The following ZNF705G variants were observed in gnomAD, a reference collection of about 807,000 sequenced individuals.
ZNF705G encodes the protein zinc finger protein 705G.
Under a neutral mutation model 19.6 loss-of-function variants are expected in ZNF705G, and 23 were observed. The observed-to-expected ratio is 1.17, with a 90% CI of 0.84 to 1.66. ZNF705G has a LOEUF of 1.66. ZNF705G is among the 40% of genes most tolerant of loss of function. ZNF705G has a pLI of 0.00. For missense variants in ZNF705G, 457 were observed against 354.4 expected, an observed-to-expected ratio of 1.29 and a Z score of -2.32; for synonymous variants, 146 against 117.7, an observed-to-expected ratio of 1.24 and a Z score of -1.56.
rs566063340 is a variant in ZNF705G, at chr8:7,379,826, G to A, written c.-72+1626C>T. On this transcript the variant is annotated intron_variant, in intron 2 of 6. Transcript: ENST00000400156. ...CCAGAGAAGGAGTTGGCACTGGATCGTCTGCACCTGCCCCCAGACACAGGC... is the reference window on the plus strand; with the variant it reads ...CCAGAGAAGGAGTTGGCACTGGATCATCTGCACCTGCCCCCAGACACAGGC... Among the ~76,000 whole-genome samples, 35 of 147,162 alleles carry A rather than the reference G, an allele frequency of 2.4e-4. 1 individual carries two copies. Among genetic ancestry groups the A allele is most frequent in the East Asian group, 7.7e-4 (4 of 5,172 alleles).
chr8:7,367,786 T>A (rs9720274), intron 2 of ZNF705G, among the ~76,000 whole-genome samples: 9,692 of 149,040 alleles, frequency 0.065, 1,013 homozygotes, highest in African/African-American at 0.15. Flanking sequence ...TTCCACTGTA[T>A]GCCCTTCGGT....
chr8:7,365,712 C>A (rs1806825972), intron 2 of ZNF705G, among the ~76,000 whole-genome samples: 2 of 149,456 alleles, frequency 1.3e-5, no homozygotes, highest in South Asian at 4.2e-4. Flanking sequence ...ATTCTGCATC[C>A]TCAATATTAC....
At chr8:7,384,688 G>C (rs1466549352) in intron 1 of ZNF705G, among the ~76,000 whole-genome samples, 1 of 144,418 alleles carries the variant, frequency 6.9e-6, no homozygotes, top group African/African-American at 2.9e-5. Flanking sequence ...GGCCATTTTG[G>C]GTGTGGGAGA....
In ZNF705G at chr8:7,356,025, T is replaced by G. The variant is rs981130219; in HGVS notation, c.*1951A>C. ...CGATCGTATTAAGATTGTGCCTGTT[T>G]GGCAAAATTTCAAGTCATCCCACTT... On this transcript the variant is annotated 3_prime_UTR_variant, in exon 7 of 7. Coordinates refer to ENST00000400156, the MANE Select transcript of ZNF705G (RefSeq NM_001164457.3). 1.3e-5 allele frequency: 2 copies of G among 149,552 alleles called. 1 individual carries two copies. Among genetic ancestry groups the G allele is most frequent in the Non-Finnish European group, 2.9e-5 (2 of 68,028 alleles). The allele number at this position is 149,552 out of a possible 1,614,324, so 9.3% of individuals were successfully genotyped here.
intron 1 of ZNF705G, among the ~76,000 whole-genome samples, chr8:7,384,210 G>A (rs1807631196): frequency 7.2e-6 from 1 of 138,842 alleles, no homozygotes; most frequent in South Asian, 2.2e-4. Flanking sequence ...GTGATCTTGT[G>A]CAAATAATTC....
rs758048864 is a variant in ZNF705G, at chr8:7,358,442, C to G, written c.437G>C (p.Ser146Thr). The G allele has an allele frequency of 6.2e-6, 10 of 1,607,710 alleles. 1 individual carries two copies. In the South Asian group the frequency reaches 9.9e-5, roughly 16 times the overall value. ...ACGAAGGGATTTTCCACACTGTTTGCTGACATAGGGTTTCTTTCCACTATG... is the reference window on the plus strand; with the variant it reads ...ACGAAGGGATTTTCCACACTGTTTGGTGACATAGGGTTTCTTTCCACTATG... ...LTHSGKKPYV[S>T]KQCGKSLRNL... The change falls in exon 7 of 7, where the codon AGC becomes ACC. Residue 146 changes from serine (S) to threonine (T), a missense_variant. By Grantham distance (58) the Ser-to-Thr change is moderately conservative. Coordinates refer to ENST00000400156, the MANE Select transcript of ZNF705G (RefSeq NM_001164457.3).
At position 7,357,929 on chromosome 8, in the gene ZNF705G, C is replaced by A. The variant is rs764044350; in HGVS notation, c.*47G>T. 1.9e-6 allele frequency: 3 copies of A among 1,605,210 alleles called. No homozygotes were observed. The highest frequency in any genetic ancestry group is 2.2e-5 in the South Asian group (2 of 89,886). On this transcript the variant is annotated 3_prime_UTR_variant, in exon 7 of 7. Coordinates refer to ENST00000400156, the MANE Select transcript of ZNF705G (RefSeq NM_001164457.3). ...AGTACATTGTCTGAAGGCTTTCCCA[C>A]ATAAATGGCATTCATATGGCTTTTC...
intron 3 of ZNF705G, among the ~76,000 whole-genome samples, chr8:7,362,397 T>C (rs1360469087): frequency 3.3e-5 from 5 of 149,596 alleles, no homozygotes; most frequent in Non-Finnish European, 5.9e-5. Context: ...CCCTCAACAC[T>C]GCACAGCTCT....
rs1807231687 is a variant in ZNF705G at position 7,376,085 on chromosome 8, G to A, written c.-72+5367C>T. On this transcript the variant is annotated intron_variant, in intron 2 of 6. Coordinates refer to ENST00000400156, the MANE Select transcript of ZNF705G (RefSeq NM_001164457.3). Reference sequence around the variant, plus strand: ...CTACTTACAGATAAAAGGAAGAGATGGAAAGCTCAGGGATCAAAAAACTCA... The same window carrying A: ...CTACTTACAGATAAAAGGAAGAGATAGAAAGCTCAGGGATCAAAAAACTCA... Among the ~76,000 whole-genome samples the A allele has an allele frequency of 2.2e-5, 2 of 91,210 alleles. 1 individual carries two copies. Among genetic ancestry groups the A allele is most frequent in the Non-Finnish European group, 4.2e-5 (2 of 47,076 alleles). The allele number at this position is 91,210 out of a possible 152,430, so 59.8% of individuals were successfully genotyped here.
Position 7,375,648 on chromosome 8 carries a change from G to C in ZNF705G, c.-72+5804C>G, listed in dbSNP as rs565803823. 2.4e-4 allele frequency among the ~76,000 whole-genome samples: 23 copies of C among 94,442 alleles called. 6 individuals carry two copies. The highest frequency in any genetic ancestry group is 4.6e-4 in the Non-Finnish European group (22 of 48,086). 62.0% of individuals were successfully genotyped at this position (94,442 alleles called of 152,430 possible). On this transcript the variant is annotated intron_variant, in intron 2 of 6. Transcript: ENST00000400156. The stretch of plus-strand genomic sequence containing the variant: ...TCAGGTATAGTAAAATAGTACACAT[G>C]ATTCAAAGACCTCTGAACCGAGAGT...
intron 1 of ZNF705G, among the ~76,000 whole-genome samples, chr8:7,384,661 G>T (rs1326480194): frequency 6.9e-6 from 1 of 145,000 alleles, no homozygotes; most frequent in Non-Finnish European, 1.5e-5. Flanking sequence ...GGAATTAGAG[G>T]CTGGTAGGGA....
At chr8:7,384,896 T>C (rs1349316819) in intron 1 of ZNF705G, among the ~76,000 whole-genome samples, 1 of 146,416 alleles carries the variant, frequency 6.8e-6, no homozygotes, top group African/African-American at 2.8e-5. Flanking sequence ...ATAACTTTTA[T>C]ATGAGATAGA....
intron 2 of ZNF705G, among the ~76,000 whole-genome samples, chr8:7,367,663 C>A (rs1806919125): frequency 6.7e-6 from 1 of 149,636 alleles, no homozygotes; most frequent in Non-Finnish European, 1.5e-5. Flanking sequence ...CTTTCTTGGA[C>A]CTTCAGGCAT....
intron 2 of ZNF705G, among the ~76,000 whole-genome samples, chr8:7,370,376 G>T (rs1457208204): frequency 2.0e-5 from 3 of 149,404 alleles, no homozygotes; most frequent in Non-Finnish European, 4.4e-5. Flanking sequence ...TAATCATCAG[G>T]GGGATGTAAA....
At chr8:7,359,321 G>A (rs567192529) in intron 6 of ZNF705G, among the ~76,000 whole-genome samples, 1 of 149,770 alleles carries the variant, frequency 6.7e-6, no homozygotes, top group South Asian at 2.1e-4. Flanking sequence ...ACACAGATAT[G>A]TTCTCTTCTG....
At chr8:7,364,568 G>T (rs773667060) in intron 2 of ZNF705G, among the ~76,000 whole-genome samples, 2 of 149,506 alleles carry the variant, frequency 1.3e-5, no homozygotes, top group African/African-American at 2.6e-5. Flanking sequence ...TCTGCGTGTC[G>T]CTGCCTCTTC....
At chr8:7,366,720 C>A (rs763216849) in intron 2 of ZNF705G, among the ~76,000 whole-genome samples, 3 of 149,634 alleles carry the variant, frequency 2.0e-5, no homozygotes, top group South Asian at 2.1e-4. Flanking sequence ...GAAATTTAAA[C>A]ATTGCTTGAG....
chr8:7,357,924 T>A lies in ZNF705G; in HGVS notation c.*52A>T. The A allele has an allele frequency of 5.6e-6, 9 of 1,600,302 alleles. No homozygotes were observed. In the South Asian group the frequency reaches 8.9e-5, roughly 16 times the overall value. On this transcript the variant is annotated 3_prime_UTR_variant, in exon 7 of 7. Transcript: ENST00000400156. ...AGATTAGTACATTGTCTGAAGGCTTTCCCACATAAATGGCATTCATATGGC... is the reference window on the plus strand; with the variant it reads ...AGATTAGTACATTGTCTGAAGGCTTACCCACATAAATGGCATTCATATGGC...
In ZNF705G at chr8:7,382,192, GAAC is replaced by G. The variant is rs1433344301; in HGVS notation, c.-221-594_-221-592del. ...TCACTGCAAAATTTAAAAAGAAGAAGAACAACAACAACGACAACAATTCATCTA... is the reference window on the plus strand; with the variant it reads ...TCACTGCAAAATTTAAAAAGAAGAAGAACAACAACGACAACAATTCATCTA... On this transcript the variant is annotated intron_variant, in intron 1 of 6. Coordinates refer to ENST00000400156, the MANE Select transcript of ZNF705G (RefSeq NM_001164457.3). 7.1e-3 allele frequency among the ~76,000 whole-genome samples: 1,067 copies of G among 150,434 alleles called. 5 individuals are homozygous for G. Among genetic ancestry groups the G allele is most frequent in the African/African-American group, 0.025 (975 of 39,790 alleles).
Sources: allele counts gnomAD v4.1 joint callset (sites outside exome capture counted in the v4.1 genomes callset), GRCh38; gene constraint gnomAD v4.1.1; transcripts MANE v1.5; gene names NCBI Gene and HGNC (gene_info 2026-07-23, HGNC 2026-07-21).